CEP112: variants seen among roughly 807,000 people sequenced by gnomAD.
CEP112 encodes the protein centrosomal protein of 112 kDa.
Under a neutral mutation model 153.0 loss-of-function variants are expected in CEP112, and 127 were observed. The observed-to-expected ratio is 0.83, with a 90% CI of 0.72 to 0.96. The LOEUF (loss-of-function observed/expected upper bound fraction) is 0.96, where lower values mean the gene tolerates loss of function less well. Among genes scored for constraint, CEP112 ranks in the 40% least tolerant of loss-of-function variants. The pLI is 0.00. For synonymous variants in CEP112, 358 were observed against 374.4 expected, an observed-to-expected ratio of 0.96 and a Z score of 0.51; for missense variants, 1,089 against 1,101.2, an observed-to-expected ratio of 0.99 and a Z score of 0.16.
intron 17 of CEP112, among the ~76,000 whole-genome samples, chr17:65,975,003 C>A: frequency 6.6e-6 from 1 of 151,516 alleles, no homozygotes. Context: ...CTGAAATGAA[C>A]TACAAACAGA....
chr17:66,089,368 T>G (rs551463170), intron 8 of CEP112, among the ~76,000 whole-genome samples: 1 of 152,146 alleles, frequency 6.6e-6, no homozygotes, highest in Non-Finnish European at 1.5e-5. Flanking sequence ...ATAAACTGCC[T>G]GACAAATAAT....
chr17:65,968,807 A>T (rs563527777), intron 17 of CEP112, among the ~76,000 whole-genome samples: 131 of 152,358 alleles, frequency 8.6e-4, no homozygotes, highest in Non-Finnish European at 1.4e-3. Flanking sequence ...AGTCCAAAAT[A>T]GTTTCGCTAC....
chr17:66,165,878 TC>T (rs2071933214), intron 4 of CEP112, among the ~76,000 whole-genome samples: 1 of 152,156 alleles, frequency 6.6e-6, no homozygotes, highest in Non-Finnish European at 1.5e-5. Flanking sequence ...AGTCACATTT[TC>T]CATAAGGGCA....
At chr17:65,970,695 A>G (rs1183916148) in intron 17 of CEP112, among the ~76,000 whole-genome samples, 1 of 140,088 alleles carries the variant, frequency 7.1e-6, no homozygotes, top group Admixed American at 7.7e-5. Context: ...ACACATGCAT[A>G]TTACATGCAT....
intron 19 of CEP112, among the ~76,000 whole-genome samples, chr17:65,923,142 T>A (rs548030700): frequency 6.6e-6 from 1 of 152,316 alleles, no homozygotes; most frequent in South Asian, 2.1e-4. Flanking sequence ...CATTTTTATA[T>A]AAAACCATTT....
chr17:66,170,698 G>C (rs996342564), intron 4 of CEP112, among the ~76,000 whole-genome samples: 2 of 152,136 alleles, frequency 1.3e-5, no homozygotes, highest in African/African-American at 4.8e-5. Flanking sequence ...GGGAGGCAGA[G>C]GTTGCAGTGA....
intron 4 of CEP112, among the ~76,000 whole-genome samples, chr17:66,174,450 C>A (rs533237211): frequency 6.6e-6 from 1 of 152,166 alleles, no homozygotes; most frequent in African/African-American, 2.4e-5. Flanking sequence ...AAGTATGGTA[C>A]ATGGTAATTG....
intron 6 of CEP112, among the ~76,000 whole-genome samples, chr17:66,122,185 C>T (rs866093463): frequency 6.6e-6 from 1 of 152,096 alleles, no homozygotes. Context: ...TGAGCCACTG[C>T]GCCTGGCCCA....
At chr17:66,035,616 G>A (rs897973050) in intron 12 of CEP112, among the ~76,000 whole-genome samples, 29 of 152,170 alleles carry the variant, frequency 1.9e-4, no homozygotes, top group African/African-American at 7.0e-4. Context: ...AAGAACTGAA[G>A]TCAGGATCTC....
intron 21 of CEP112, among the ~76,000 whole-genome samples, chr17:65,818,671 T>C (rs1265309947): frequency 1.3e-5 from 2 of 151,928 alleles, no homozygotes; most frequent in South Asian, 2.1e-4. Flanking sequence ...AAATGATTTC[T>C]ACTTCAGAAA....
chr17:65,821,567 T>C (rs1350720212), intron 21 of CEP112, among the ~76,000 whole-genome samples: 42 of 113,550 alleles, frequency 3.7e-4, no homozygotes, highest in African/African-American at 4.9e-4. Context: ...TTTTTTTTTT[T>C]CTGAGACGGA....
intron 6 of CEP112, among the ~76,000 whole-genome samples, chr17:66,099,480 G>C (rs1210531229): frequency 6.9e-6 from 1 of 145,258 alleles, no homozygotes; most frequent in East Asian, 2.3e-4. Context: ...CTCCAGCCTG[G>C]GTGACAAGAA....
chr17:66,154,782 A>C (rs961549800), intron 4 of CEP112, among the ~76,000 whole-genome samples: 1 of 152,166 alleles, frequency 6.6e-6, no homozygotes, highest in Admixed American at 6.5e-5. Context: ...AACTATATTA[A>C]AATTAATAAC....
At chr17:65,681,691 T>TTTTTA (rs2047537166) in intron 24 of CEP112, among the ~76,000 whole-genome samples, 1 of 150,544 alleles carries the variant, frequency 6.6e-6, no homozygotes. Flanking sequence ...TTTTTTTTTT[T>TTTTTA]GAGACAGGAT....
intron 23 of CEP112, among the ~76,000 whole-genome samples, chr17:65,742,200 T>C (rs1303470616): frequency 5.9e-5 from 9 of 152,158 alleles, no homozygotes; most frequent in Non-Finnish European, 1.0e-4. Flanking sequence ...AAAAAGAAGA[T>C]GCAGAGGTGA....
chr17:65,955,639 A>G (rs7213599), intron 18 of CEP112, among the ~76,000 whole-genome samples: 72,938 of 151,954 alleles, frequency 0.48, 18,491 homozygotes, highest in East Asian at 0.89. Context: ...ATAAACTTAC[A>G]GTAAAGGGGT....
intron 17 of CEP112, among the ~76,000 whole-genome samples, chr17:65,995,368 G>A (rs763660599): frequency 1.3e-5 from 2 of 152,154 alleles, no homozygotes; most frequent in Non-Finnish European, 2.9e-5. Flanking sequence ...GGCAAAACTG[G>A]ATCCTGTTCA....
intron 21 of CEP112, chr17:65,750,958 T>C: frequency 2.3e-6 from 1 of 430,160 alleles, no homozygotes. Flanking sequence ...CTTCTGTGGA[T>C]AGAAAGAGAA....
At chr17:66,034,606 G>T (rs1466165438) in intron 12 of CEP112, among the ~76,000 whole-genome samples, 1 of 135,976 alleles carries the variant, frequency 7.4e-6, no homozygotes, top group Non-Finnish European at 1.6e-5. Context: ...AATTACAGTG[G>T]AGATGAGAGA....
Sources: allele counts gnomAD v4.1 joint callset (sites outside exome capture counted in the v4.1 genomes callset), GRCh38; gene constraint gnomAD v4.1.1; transcripts MANE v1.5; gene names NCBI Gene and HGNC (gene_info 2026-07-23, HGNC 2026-07-21).